PTK2: variants seen among roughly 807,000 people sequenced by gnomAD.
The protein encoded by PTK2 is focal adhesion kinase 1.
A neutral mutation model predicts 150.1 loss-of-function variants in PTK2; 45 were observed. That is an observed-to-expected ratio of 0.30 (90% CI 0.24 to 0.38). PTK2 has a LOEUF of 0.38. Among genes scored for constraint, PTK2 ranks in the 10% least tolerant of loss-of-function variants. PTK2 has a pLI of 1.00. For missense variants in PTK2, 919 were observed against 1,307.3 expected (o/e 0.70, Z 4.58); for synonymous variants, 432 against 449.2 (o/e 0.96, Z 0.48).
At chr8:140,955,082 A>T (rs1170035759) in intron 1 of PTK2, among the ~76,000 whole-genome samples, 4 of 152,260 alleles carry the variant, frequency 2.6e-5, no homozygotes, top group African/African-American at 7.2e-5. Context: ...TCTGACACAA[A>T]GTTAGCTAAC....
intron 14 of PTK2, among the ~76,000 whole-genome samples, chr8:140,779,951 G>GA (rs2100080737): frequency 3.3e-5 from 5 of 152,024 alleles, no homozygotes; most frequent in Admixed American, 3.3e-4. Context: ...GGTGGTCATG[G>GA]GGGAACCTCC....
intron 2 of PTK2, among the ~76,000 whole-genome samples, chr8:140,894,625 A>G (rs1217039765): frequency 6.6e-6 from 1 of 152,260 alleles, no homozygotes; most frequent in African/African-American, 2.4e-5. Context: ...TTAAAAACCC[A>G]AAGTGCAAAT....
chr8:140,944,353 T>C (rs1374997719), intron 1 of PTK2, among the ~76,000 whole-genome samples: 2 of 152,202 alleles, frequency 1.3e-5, no homozygotes, highest in African/African-American at 4.8e-5. Context: ...CACTGGCAAT[T>C]CAGTAGGTGG....
intron 12 of PTK2, among the ~76,000 whole-genome samples, chr8:140,795,100 C>G (rs942111381): frequency 2.0e-5 from 3 of 152,196 alleles, no homozygotes; most frequent in Non-Finnish European, 2.9e-5. Flanking sequence ...ATTCCAGAAC[C>G]CCTGACCCAA....
chr8:140,893,858 C>G (rs1195121993), intron 2 of PTK2, among the ~76,000 whole-genome samples: 1 of 151,842 alleles, frequency 6.6e-6, no homozygotes, highest in Non-Finnish European at 1.5e-5. Flanking sequence ...ATAGCAGTAC[C>G]CTGTCATTTG....
chr8:140,928,031 A>G (rs932909908), intron 1 of PTK2, among the ~76,000 whole-genome samples: 4 of 133,348 alleles, frequency 3.0e-5, no homozygotes, highest in African/African-American at 8.3e-5. Flanking sequence ...GTGTGGATCT[A>G]TCCCTCATCA....
intron 31 of PTK2, among the ~76,000 whole-genome samples, chr8:140,661,618 T>C (rs2080141508): frequency 6.6e-6 from 1 of 152,206 alleles, no homozygotes; most frequent in Non-Finnish European, 1.5e-5. Context: ...GAAAAAGTAT[T>C]TTTTAATAAA....
intron 14 of PTK2, among the ~76,000 whole-genome samples, chr8:140,766,784 C>T (rs1218525963): frequency 1.3e-5 from 2 of 152,212 alleles, no homozygotes; most frequent in Non-Finnish European, 2.9e-5. Context: ...ACAAAATACA[C>T]AAGCCCATTT....
At chr8:140,670,476 A>ACC (rs1051741042) in intron 29 of PTK2, among the ~76,000 whole-genome samples, 5 of 64,700 alleles carry the variant, frequency 7.7e-5, no homozygotes, top group African/African-American at 2.9e-4. Flanking sequence ...AAAAAAAAAA[A>ACC]AAAAAAACAA....
chr8:140,781,885 C>T (rs1254223794), intron 14 of PTK2, among the ~76,000 whole-genome samples: 1 of 152,226 alleles, frequency 6.6e-6, no homozygotes, highest in Non-Finnish European at 1.5e-5. Flanking sequence ...ACCCCGATCT[C>T]AACAGTGGCA....
At chr8:140,864,179 ATTC>A (rs1032987832) in intron 5 of PTK2, 130 bp downstream of exon 5, 26 of 482,074 alleles carry the variant, frequency 5.4e-5, no homozygotes, top group African/African-American at 2.0e-5. Context: ...TGGTTAAAAG[ATTC>A]TTATTGCCAT....
At chr8:140,848,620 T>C (rs2100127146) in intron 5 of PTK2, among the ~76,000 whole-genome samples, 2 of 152,072 alleles carry the variant, frequency 1.3e-5, no homozygotes, top group South Asian at 4.1e-4. Context: ...TTCAGTTAAG[T>C]AAAAAGCTTT....
rs2100174809 is a variant in PTK2, at chr8:140,939,218, T to C, written c.-121-13469A>G. On this transcript the variant is annotated intron_variant, in intron 1 of 31. Coordinates refer to ENST00000522684, the Ensembl canonical transcript of PTK2. ...AACCTTTAAATCCAGAGACTTATTC[T>C]AAACATTTAAAGCCAGATTCGAAAA... Among the ~76,000 whole-genome samples, 3 of 152,220 alleles carry C rather than the reference T, an allele frequency of 2.0e-5. No individual in the cohort carries two copies. In the South Asian group the frequency reaches 6.2e-4, roughly 32 times the overall value.
intron 2 of PTK2, among the ~76,000 whole-genome samples, chr8:140,901,968 C>A (rs1286397736): frequency 6.6e-6 from 1 of 151,894 alleles, no homozygotes; most frequent in Non-Finnish European, 1.5e-5. Context: ...TCATCCACGT[C>A]CCTGCAAAGG....
chr8:140,741,722 C>G (rs1017571932), intron 20 of PTK2, among the ~76,000 whole-genome samples: 37 of 151,948 alleles, frequency 2.4e-4, no homozygotes, highest in Non-Finnish European at 2.8e-4. Context: ...AGCTAAAGTT[C>G]TAGGAATATG....
intron 2 of PTK2, among the ~76,000 whole-genome samples, chr8:140,894,562 G>C (rs2100155405): frequency 6.6e-6 from 1 of 152,130 alleles, no homozygotes; most frequent in Non-Finnish European, 1.5e-5. Context: ...AAAACAAAAG[G>C]AAAGAAGAAG....
chr8:140,975,975 G>C (rs1166156042), intron 1 of PTK2, among the ~76,000 whole-genome samples: 2 of 152,226 alleles, frequency 1.3e-5, no homozygotes, highest in Non-Finnish European at 2.9e-5. Flanking sequence ...TGTGCCTTTA[G>C]TAGTAAAACA....
intron 30 of PTK2, 54 bp downstream of exon 34, chr8:140,668,215 A>T: frequency 6.2e-7 from 1 of 1,603,938 alleles, no homozygotes; most frequent in Non-Finnish European, 8.5e-7. Flanking sequence ...CTGGCACCAC[A>T]GCTTACAGGA....
At chr8:140,756,420 G>A (rs908895771) in intron 16 of PTK2, among the ~76,000 whole-genome samples, 1 of 152,014 alleles carries the variant, frequency 6.6e-6, no homozygotes, top group Non-Finnish European at 1.5e-5. Context: ...ATTATGGGCC[G>A]GGCGCAGCGG....
Sources: allele counts gnomAD v4.1 joint callset (sites outside exome capture counted in the v4.1 genomes callset), GRCh38; gene constraint gnomAD v4.1.1; transcripts MANE v1.5; gene names NCBI Gene and HGNC (gene_info 2026-07-23, HGNC 2026-07-21).